The following ADRM1 variants were observed in gnomAD, a reference collection of about 807,000 sequenced individuals.
ADRM1 encodes the protein proteasomal ubiquitin receptor ADRM1.
Under a neutral mutation model 40.1 loss-of-function variants are expected in ADRM1, and 2 were observed. The ratio of observed to expected loss-of-function variants is 0.05; its 90% CI spans 0.02 to 0.16. The LOEUF (loss-of-function observed/expected upper bound fraction) is 0.16, where lower values mean the gene tolerates loss of function less well. Ranked by LOEUF, ADRM1 falls within the 10% of genes least tolerant of loss-of-function variation. The pLI, the probability that ADRM1 is intolerant of heterozygous loss-of-function variation, is 1.00. For missense variants in ADRM1, 467 were observed against 552.5 expected (o/e 0.85, Z 1.55); for synonymous variants, 287 against 240.4 (o/e 1.19, Z -1.79).
At chr20:62,305,132 T>G (rs908677193) in intron 3 of ADRM1, among the ~76,000 whole-genome samples, 1 of 152,246 alleles carries the variant, frequency 6.6e-6, no homozygotes. Context: ...TTTTGTGCTG[T>G]TACAGGCAGT....
At chr20:62,303,489 A>T (rs888076626) in intron 1 of ADRM1, 79 bp from the exon 2 acceptor site, 10 of 1,431,240 alleles carry the variant, frequency 7.0e-6, no homozygotes, top group Non-Finnish European at 9.4e-6. Flanking sequence ...CCTGCTCGCA[A>T]ACACCCCAGG....
rs1281260020 is a variant in ADRM1, at chr20:62,306,745, C to T, written c.541+11C>T. 5 of 1,595,120 alleles carry T rather than the reference C, an allele frequency of 3.1e-6. No individual in the cohort carries two copies. The highest frequency in any genetic ancestry group is 3.4e-6 in the Non-Finnish European group (4 of 1,169,822). ...GCCTTGGAGGACTGGGTAACGTGCG[C>T]CACCCGGGCTCTCGGGCAGCTTCTG... On this transcript the variant is annotated intron_variant, in intron 5 of 9. Transcript: ENST00000253003.
intron 6 of ADRM1, 61 bp downstream of exon 6, chr20:62,307,513 T>C: frequency 1.3e-6 from 2 of 1,599,312 alleles, no homozygotes; most frequent in Non-Finnish European, 1.7e-6. Context: ...CAGTGGGGAA[T>C]CCTGGCCCAG....
At chr20:62,306,399 A>G in intron 4 of ADRM1, 79 bp downstream of exon 4, 1 of 1,605,720 alleles carries the variant, frequency 6.2e-7, no homozygotes, top group African/African-American at 1.3e-5. Context: ...CCCCCTCAGC[A>G]CAGGTTGTTT....
At chr20:62,305,810 C>T (rs149074323) in intron 3 of ADRM1, 5 of 238,478 alleles carry the variant, frequency 2.1e-5, no homozygotes, top group Non-Finnish European at 3.4e-5. Context: ...CTGAGCGGGC[C>T]AGTTCGCTGC....
chr20:62,306,801 T>C (rs1464596555), intron 5 of ADRM1, 67 bp downstream of exon 5: 1 of 1,393,578 alleles, frequency 7.2e-7, no homozygotes, highest in African/African-American at 1.4e-5. Flanking sequence ...GGTCTCTGTT[T>C]CCTTTAAACT....
At chr20:62,308,342 C>T (rs772022918) in intron 8 of ADRM1, 26 bp from the exon 9 acceptor site, 1 of 1,575,402 alleles carries the variant, frequency 6.3e-7, no homozygotes. Context: ...GGTTGGAGCT[C>T]AGCCCTCGCC....
In ADRM1 at chr20:62,304,512, C is replaced by A; in HGVS notation, c.265C>A (p.Pro89Thr). The A allele has an allele frequency of 6.2e-7, 1 of 1,613,986 alleles. No homozygotes were observed. The highest frequency in any genetic ancestry group is 1.1e-5 in the South Asian group (1 of 91,082). Residue 89 changes from proline (P) to threonine (T), a missense_variant, in exon 3 of 10, where the codon CCC (proline) becomes ACC (threonine). Around this residue, in one of 3 missense-constraint regions of ADRM1, gnomAD observed 418 missense variants for 474.6 expected, o/e 0.88. Transcript: ENST00000253003. The part of the protein sequence containing the change: ...DCEFKRVPQC[P>T]SGRVYVLKFK... ...TGAGTTCAAGCGGGTGCCGCAGTGCCCCAGCGGGAGGGTCTACGTGCTGAA... is the reference window on the plus strand; with the variant it reads ...TGAGTTCAAGCGGGTGCCGCAGTGCACCAGCGGGAGGGTCTACGTGCTGAA...
rs780652179 is a variant in ADRM1, at chr20:62,307,705, G to A, written c.733G>A (p.Ala245Thr). 19 of 1,612,160 alleles carry A rather than the reference G, an allele frequency of 1.2e-5. No individual in the cohort carries two copies. The highest frequency in any genetic ancestry group is 2.2e-5 in the South Asian group (2 of 91,038). The change falls in exon 7 of 10, where the codon GCG (alanine) becomes ACG (threonine). Residue 245 changes from alanine to threonine, a missense_variant. Ala to Thr is a moderately conservative substitution (Grantham distance 58). Coordinates refer to ENST00000253003, the MANE Select transcript of ADRM1 (RefSeq NM_007002.4). ...TGCCTCAGCAACTAGCCCGAGCCCC[G>A]CGCCCAGTTCCGGGAATGGAGCCAG... ...AAASATSPSP[A>T]PSSGNGASTA...
intron 5 of ADRM1, 104 bp from the exon 6 acceptor site, chr20:62,307,267 G>A: frequency 8.5e-7 from 1 of 1,170,546 alleles, no homozygotes; most frequent in Non-Finnish European, 1.2e-6. Flanking sequence ...GCTTCTTCCT[G>A]GCTTTGGTGT....
rs1167070058 is a variant in ADRM1 at position 62,307,581 on chromosome 20, C to T, written c.624-15C>T. ...TGGGGCGTGTCCGCTCCAGCGGTGCCCTCTCTCTTCGCAGCTCCCGGAGCC... is the reference window on the plus strand; with the variant it reads ...TGGGGCGTGTCCGCTCCAGCGGTGCTCTCTCTCTTCGCAGCTCCCGGAGCC... On this transcript the variant is annotated splice_polypyrimidine_tract_variant and intron_variant, in intron 6 of 9. Transcript: ENST00000253003. The T allele has an allele frequency of 2.5e-6, 4 of 1,608,010 alleles. No individual in the cohort carries two copies. The highest frequency in any genetic ancestry group is 1.7e-5 in the Admixed American group (1 of 59,856).
rs780575816 is a variant in ADRM1, at chr20:62,308,839, A to G, written c.*78A>G. The G allele has an allele frequency of 1.9e-6, 3 of 1,549,778 alleles. No individual in the cohort carries two copies. The highest frequency in any genetic ancestry group is 2.6e-6 in the Non-Finnish European group (3 of 1,150,672). On this transcript the variant is annotated 3_prime_UTR_variant, in exon 10 of 10. Coordinates refer to ENST00000253003, the MANE Select transcript of ADRM1 (RefSeq NM_007002.4). ...CACCTCCCACCCACTGATTATTAAT[A>G]AAGTCTTTTCTTTTACCTGCCAATG...
At chr20:62,307,558 G>T in intron 6 of ADRM1, 38 bp from the exon 7 acceptor site, 1 of 1,602,596 alleles carries the variant, frequency 6.2e-7, no homozygotes, top group East Asian at 2.2e-5. Context: ...CTGCCGTGTG[G>T]GGCGTGTCCG....
chr20:62,305,900 G>A, intron 3 of ADRM1: 1 of 367,266 alleles, frequency 2.7e-6, no homozygotes, highest in Non-Finnish European at 5.1e-6. Context: ...GCTTGGTCTG[G>A]CAGCAGCTAA....
intron 3 of ADRM1, chr20:62,305,993 A>G (rs1984886107): frequency 1.6e-6 from 1 of 607,622 alleles, no homozygotes; most frequent in Non-Finnish European, 2.8e-6. Flanking sequence ...GGATGGGGAC[A>G]GGGCGCAGAG....
At chr20:62,303,503 C>A (rs575736738) in intron 1 of ADRM1, 65 bp from the exon 2 acceptor site, 2 of 1,488,290 alleles carry the variant, frequency 1.3e-6, no homozygotes, top group East Asian at 2.3e-5. Flanking sequence ...CCCCAGGGGG[C>A]GGGAGCTTGC....
intron 4 of ADRM1, 76 bp from the exon 5 acceptor site, chr20:62,306,572 C>T: frequency 6.9e-7 from 1 of 1,447,488 alleles, no homozygotes; most frequent in South Asian, 1.3e-5. Context: ...CGGTGCTCAG[C>T]AGAGGCGCAG....
At chr20:62,304,010 G>A in intron 2 of ADRM1, 1 of 569,352 alleles carries the variant, frequency 1.8e-6, no homozygotes, top group Non-Finnish European at 3.1e-6. Flanking sequence ...TGTGGCCCTG[G>A]AGAGCCCGGA....
intron 4 of ADRM1, 73 bp downstream of exon 4, chr20:62,306,393 C>T: frequency 1.9e-6 from 3 of 1,606,840 alleles, no homozygotes; most frequent in Non-Finnish European, 2.6e-6. Flanking sequence ...GACTCGCCCC[C>T]TCAGCACAGG....
Sources: gnomAD v4.1 joint callset for allele counts (sites outside exome capture counted in the v4.1 genomes callset) on GRCh38, gnomAD v4.1.1 for gene constraint, gnomAD v4.1.1 regional missense constraint, MANE v1.5 for transcripts, NCBI Gene and HGNC (gene_info 2026-07-23, HGNC 2026-07-21) for gene names.